Variants in SF3B1 observed in about 807,000 individuals in gnomAD.
SF3B1 encodes the protein splicing factor 3b subunit 1, also known as pre-mRNA processing 10.
In SF3B1, 12 loss-of-function variants were observed where a neutral mutation model predicts 153.8. The observed-to-expected ratio is 0.08, with a 90% confidence interval of 0.05 to 0.13. The LOEUF (loss-of-function observed/expected upper bound fraction) is 0.13. SF3B1 is among the 10% of genes least tolerant of loss of function. SF3B1 has a pLI of 1.00. For synonymous variants in SF3B1, 498 were observed against 525.2 expected, an observed-to-expected ratio of 0.95 and a Z score of 0.71; for missense variants, 513 against 1,606.1, an observed-to-expected ratio of 0.32 and a Z score of 11.63.
intron 2 of SF3B1, among the ~76,000 whole-genome samples, chr2:197,422,659 G>A (rs926918853): frequency 6.6e-6 from 1 of 152,152 alleles, no homozygotes; most frequent in African/African-American, 2.4e-5. Flanking sequence ...GGGAGGCTGA[G>A]GCAGGTGGAT....
At position 197,400,956 on chromosome 2, in the gene SF3B1, A is replaced by C. The variant is rs759179831; in HGVS notation, c.2497-20T>G. 6.6e-7 allele frequency: 1 copy of C among 1,523,130 alleles called. No individual in the cohort carries two copies. Among genetic ancestry groups the C allele is most frequent in the East Asian group, 2.3e-5 (1 of 44,410 alleles). 94.4% of individuals were successfully genotyped at this position (1,523,130 alleles called of 1,614,324 possible). A position where few individuals can be genotyped will look rare whatever the true frequency, so the allele number is the denominator to read the frequency against. Reference sequence around the variant, plus strand: ...AACTAACTAAAAAGAACAGAAAAACAAAAAACCTTTTAGACTGCTTTTCCA... The same window carrying C: ...AACTAACTAAAAAGAACAGAAAAACCAAAAACCTTTTAGACTGCTTTTCCA... On this transcript the variant is annotated intron_variant, in intron 17 of 24. Transcript: ENST00000335508. The surrounding 1 kb of genome is among the most constrained non-coding windows in gnomAD (Gnocchi z 5.0).
chr2:197,434,991 C>G lies in SF3B1; in HGVS notation c.9G>C (p.Lys3Asn). 1.9e-6 allele frequency: 3 copies of G among 1,614,264 alleles called. No homozygotes were observed. The highest frequency in any genetic ancestry group is 2.5e-6 in the Non-Finnish European group (3 of 1,180,018). Residue 3 changes from lysine to asparagine, a missense_variant, in exon 1 of 25, where the codon AAG becomes AAC. Lys to Asn is a moderately conservative substitution (Grantham distance 94, BLOSUM62 0). Around this residue, in one of 21 missense-constraint regions of SF3B1, gnomAD observed 27 missense variants for 26.7 expected, o/e 1.01. Transcript: ENST00000335508. ...GCTTACCTTCGTGAGTCTTGGCGAT[C>G]TTCGCCATTTTGTCCACTCGAACAC... MA[K>N]IAKTHEDIEA...
chr2:197,401,387 A>T lies in SF3B1; in HGVS notation c.2496+13T>A. 1.9e-6 allele frequency: 3 copies of T among 1,587,408 alleles called. No homozygotes were observed. The highest frequency in any genetic ancestry group is 2.6e-6 in the Non-Finnish European group (3 of 1,173,246). On this transcript the variant is annotated intron_variant, in intron 17 of 24. Transcript: ENST00000335508. The surrounding 1 kb of genome is among the most constrained non-coding windows in gnomAD (Gnocchi z 4.2). ...AGGACTTTTGAGAATATTCTTTTACAATAAAAGCTTACCTGTCGGTAATTT... is the reference window on the plus strand; with the variant it reads ...AGGACTTTTGAGAATATTCTTTTACTATAAAAGCTTACCTGTCGGTAATTT...
At chr2:197,393,455 C>A in intron 23 of SF3B1, 1 of 310,994 alleles carries the variant, frequency 3.2e-6, no homozygotes, top group Non-Finnish European at 6.0e-6. Context: ...TTCTAATTAA[C>A]TTTTTTTTTT....
At chr2:197,430,926 C>T (rs919647845) in intron 1 of SF3B1, among the ~76,000 whole-genome samples, 4 of 152,074 alleles carry the variant, frequency 2.6e-5, no homozygotes, top group African/African-American at 9.7e-5. Context: ...TCCCAAAATG[C>T]TGGGATTACA....
In SF3B1 at chr2:197,392,574, G is replaced by GGC. The variant is rs1553563324; in HGVS notation, c.3757-114_3757-113insGC. The GGC allele has an allele frequency of 2.3e-5, 8 of 354,456 alleles. 1 individual carries two copies. Among genetic ancestry groups the GGC allele is most frequent in the East Asian group, 2.0e-4 (3 of 14,892 alleles). 22.0% of individuals were successfully genotyped at this position (354,456 alleles called of 1,614,324 possible). Reference sequence around the variant, plus strand: ...AAATTATTTCCCTTGGGGAGTTGGGGGGGGGGGAACCTACTAATTACACTG... The same window carrying GGC: ...AAATTATTTCCCTTGGGGAGTTGGGGGCGGGGGGGAACCTACTAATTACACTG... On this transcript the variant is annotated intron_variant, in intron 24 of 24. Coordinates refer to ENST00000335508, the MANE Select transcript of SF3B1 (RefSeq NM_012433.4).
Position 197,401,729 on chromosome 2 carries a change from C to A in SF3B1, c.2370+13G>T, listed in dbSNP as rs750471074. On this transcript the variant is annotated intron_variant, in intron 16 of 24. Coordinates refer to ENST00000335508, the MANE Select transcript of SF3B1 (RefSeq NM_012433.4). This position sits in a 1 kb window ranked among gnomAD's most constrained non-coding sequence, Gnocchi z 4.2. ...ACATATCCAGTTTACATTAACAAAT[C>A]TGGAATAATTACCTTCAGCACAATT... 5.0e-6 allele frequency: 8 copies of A among 1,603,514 alleles called. No homozygotes were observed. The Admixed American group carries it at 1.1e-4, about 21-fold the overall frequency.
chr2:197,427,336 A>C (rs1244669571), intron 1 of SF3B1, among the ~76,000 whole-genome samples: 1 of 152,102 alleles, frequency 6.6e-6, no homozygotes, highest in African/African-American at 2.4e-5. Flanking sequence ...GAAACTATAG[A>C]TATAAAGTCC....
intron 5 of SF3B1, among the ~76,000 whole-genome samples, chr2:197,417,285 A>G (rs1237425818): frequency 6.6e-6 from 1 of 152,230 alleles, no homozygotes; most frequent in African/African-American, 2.4e-5. Flanking sequence ...AAAATGGTAA[A>G]AGATAAAAAT....
At position 197,392,270 on chromosome 2, in the gene SF3B1, A is replaced by G. The variant is rs920822590; in HGVS notation, c.*33T>C. The G allele has an allele frequency of 1.2e-6, 1 of 864,376 alleles. No individual in the cohort carries two copies. Among genetic ancestry groups the G allele is most frequent in the African/African-American group, 1.7e-5 (1 of 59,436 alleles). 53.5% of individuals were successfully genotyped at this position (864,376 alleles called of 1,614,324 possible). On this transcript the variant is annotated 3_prime_UTR_variant, in exon 25 of 25. Transcript: ENST00000335508. Reference sequence around the variant, plus strand: ...TCAAAGCAAGTTTAAGGTGTGAAGTAGCTGTGCATTAAACACAAAATAAAC... The same window carrying G: ...TCAAAGCAAGTTTAAGGTGTGAAGTGGCTGTGCATTAAACACAAAATAAAC...
At chr2:197,403,084 T>C (rs772382852) in intron 12 of SF3B1, 49 bp from the exon 13 acceptor site, 3 of 1,305,244 alleles carry the variant, frequency 2.3e-6, no homozygotes, top group South Asian at 2.4e-5. Context: ...CAATTACTGA[T>C]GAAATGCTCA....
intron 11 of SF3B1, 79 bp from the exon 12 acceptor site, chr2:197,403,843 T>C: frequency 9.7e-7 from 1 of 1,027,230 alleles, no homozygotes; most frequent in South Asian, 1.7e-5. Context: ...CAAAGAAGAT[T>C]TTCCATACTT....
intron 6 of SF3B1, among the ~76,000 whole-genome samples, chr2:197,414,354 A>C (rs1256003199): frequency 6.6e-6 from 1 of 152,180 alleles, no homozygotes; most frequent in East Asian, 1.9e-4. Context: ...ATGAGATCCT[A>C]GGGATTGAGC....
chr2:197,421,572 T>C (rs1223989440), intron 2 of SF3B1, among the ~76,000 whole-genome samples: 1 of 152,230 alleles, frequency 6.6e-6, no homozygotes, highest in Admixed American at 6.5e-5. Context: ...CCTAGTAGTA[T>C]GTTTAAACAG....
rs1574548317 is a variant in SF3B1, at chr2:197,420,561, C to T, written c.301-19G>A. 2.1e-6 allele frequency: 3 copies of T among 1,448,036 alleles called. No individual in the cohort carries two copies. The East Asian group carries it at 6.9e-5, about 33-fold the overall frequency. The allele number at this position is 1,448,036 out of a possible 1,614,324, so 89.7% of individuals were successfully genotyped here. A position where few individuals can be genotyped will look rare whatever the true frequency, so the allele number is the denominator to read the frequency against. On this transcript the variant is annotated intron_variant, in intron 3 of 24. Transcript: ENST00000335508. ...GATCATACTGAAAAGAGGTATGTCTCACTTAATATCCACTTTATTAAAATA... is the reference window on the plus strand; with the variant it reads ...GATCATACTGAAAAGAGGTATGTCTTACTTAATATCCACTTTATTAAAATA...
chr2:197,410,994 G>C (rs1195105153), intron 6 of SF3B1, among the ~76,000 whole-genome samples: 1 of 152,164 alleles, frequency 6.6e-6, no homozygotes, highest in African/African-American at 2.4e-5. Context: ...GTTGAGTGCA[G>C]TGGCACAATC....
At chr2:197,432,691 G>A (rs778159748) in intron 1 of SF3B1, among the ~76,000 whole-genome samples, 1 of 152,108 alleles carries the variant, frequency 6.6e-6, no homozygotes, top group Admixed American at 6.6e-5. Context: ...CCAACATGGC[G>A]AAACCCTGTC....
intron 11 of SF3B1, among the ~76,000 whole-genome samples, chr2:197,404,127 C>CA (rs1270911124): frequency 2.6e-5 from 4 of 152,028 alleles, no homozygotes; most frequent in Non-Finnish European, 5.9e-5. Flanking sequence ...GCCTTAAGAA[C>CA]AAAAAGGAGA....
intron 6 of SF3B1, among the ~76,000 whole-genome samples, chr2:197,414,610 A>G (rs917667992): frequency 1.3e-5 from 2 of 152,228 alleles, no homozygotes; most frequent in East Asian, 3.8e-4. Flanking sequence ...ATTAGGGGCC[A>G]AGTGACCTTG....
Sources: gnomAD v4.1 joint callset for allele counts (sites outside exome capture counted in the v4.1 genomes callset) on GRCh38, gnomAD v4.1.1 for gene constraint, gnomAD v4.1.1 regional missense constraint, Gnocchi (gnomAD v3.1) non-coding constraint, MANE v1.5 for transcripts, NCBI Gene and HGNC (gene_info 2026-07-23, HGNC 2026-07-21) for gene names.